Variants in SLC13A4 observed in about 807,000 individuals in gnomAD.
SLC13A4 encodes solute carrier family 13 member 4, also known as Na(+)/sulfate cotransporter SUT-1.
In SLC13A4, 28 loss-of-function variants were observed where a neutral mutation model predicts 72.7. The ratio of observed to expected loss-of-function variants is 0.39; its 90% CI spans 0.29 to 0.53. The LOEUF (loss-of-function observed/expected upper bound fraction) is 0.53, where lower values mean the gene tolerates loss of function less well. Among genes scored for constraint, SLC13A4 ranks in the 20% least tolerant of loss-of-function variants. The probability of loss-of-function intolerance (pLI) is 0.78; values close to 1 mark genes in which losing one functional copy is unlikely to be tolerated. For missense variants in SLC13A4, 653 were observed against 788.0 expected (o/e 0.83, Z 2.05); for synonymous variants, 312 against 325.5 (o/e 0.96, Z 0.45).
intron 8 of SLC13A4, among the ~76,000 whole-genome samples, chr7:135,696,160 G>A (rs148189811): frequency 2.0e-5 from 3 of 152,000 alleles, no homozygotes; most frequent in Admixed American, 2.0e-4. Flanking sequence ...GACCTATGCT[G>A]TGTTTTCCTT....
In SLC13A4 at chr7:135,685,653, G is replaced by C; in HGVS notation, c.1477C>G (p.Gln493Glu). 1.2e-6 allele frequency: 2 copies of C among 1,614,184 alleles called. No individual in the cohort carries two copies. The highest frequency in any genetic ancestry group is 1.7e-6 in the Non-Finnish European group (2 of 1,180,006). The change falls in exon 14 of 16, where the codon CAG (glutamine) becomes GAG (glutamate). Residue 493 changes from glutamine (Q) to glutamate (E), a missense_variant. Transcript: ENST00000682651. The stretch of plus-strand genomic sequence containing the variant: ...GGGAGGCTGCTCAGGGACAACATCT[G>C]GTTCCCAATCCATGTAGAGAGGCCA... ...SSGLSTWIGNQMLSLSSLPPW... is the reference protein window; with the variant it reads ...SSGLSTWIGNEMLSLSSLPPW...
At position 135,681,358 on chromosome 7, in the gene SLC13A4, C is replaced by G; in HGVS notation, c.*205G>C. On this transcript the variant is annotated 3_prime_UTR_variant, in exon 16 of 16. Transcript: ENST00000682651. Reference sequence around the variant, plus strand: ...TGTGGTGCTGAGGGCAGGAAGAAGACACTAACAGCGAAGCATGTGTTTGTG... The same window carrying G: ...TGTGGTGCTGAGGGCAGGAAGAAGAGACTAACAGCGAAGCATGTGTTTGTG... The G allele has an allele frequency of 6.0e-6, 3 of 497,726 alleles. No individual in the cohort carries two copies. Among genetic ancestry groups the G allele is most frequent in the Non-Finnish European group, 1.0e-5 (3 of 289,526 alleles). 30.8% of individuals were successfully genotyped at this position (497,726 alleles called of 1,614,324 possible).
intron 13 of SLC13A4, among the ~76,000 whole-genome samples, chr7:135,686,414 G>T (rs965373285): frequency 4.6e-5 from 7 of 152,104 alleles, no homozygotes; most frequent in South Asian, 2.1e-4. Flanking sequence ...CTATTGCCCA[G>T]GGTCCAGGAT....
chr7:135,692,245 C>T, intron 11 of SLC13A4, 78 bp downstream of exon 11: 1 of 980,616 alleles, frequency 1.0e-6, no homozygotes, highest in Non-Finnish European at 1.6e-6. Flanking sequence ...TTCATATCTG[C>T]CCCTGAGAGT....
At chr7:135,709,351 A>C (rs1478241957) in intron 2 of SLC13A4, among the ~76,000 whole-genome samples, 1 of 151,804 alleles carries the variant, frequency 6.6e-6, no homozygotes, top group Non-Finnish European at 1.5e-5. Context: ...ATTTGAGGGT[A>C]AGTTACACAC....
chr7:135,694,869 T>C (rs955187062), intron 9 of SLC13A4, among the ~76,000 whole-genome samples: 1 of 152,202 alleles, frequency 6.6e-6, no homozygotes, highest in African/African-American at 2.4e-5. Flanking sequence ...TATCTTCCCT[T>C]ATGTGTTTGA....
chr7:135,726,485 G>A (rs1796661644), intron 1 of SLC13A4, among the ~76,000 whole-genome samples: 2 of 152,296 alleles, frequency 1.3e-5, no homozygotes, highest in African/African-American at 4.8e-5. Context: ...TGATTAACCT[G>A]TTTTAGCTTA....
intron 2 of SLC13A4, among the ~76,000 whole-genome samples, chr7:135,717,200 C>G (rs1253276588): frequency 6.6e-6 from 1 of 152,208 alleles, no homozygotes; most frequent in Non-Finnish European, 1.5e-5. Context: ...TTCACCCAGC[C>G]CTCAAGTTAC....
At chr7:135,708,392 AT>A in intron 2 of SLC13A4, 142 bp from the exon 3 acceptor site, 1 of 1,144,276 alleles carries the variant, frequency 8.7e-7, no homozygotes, top group Non-Finnish European at 1.2e-6. Context: ...GGTGAGGATT[AT>A]TGAAATAGCC....
At chr7:135,721,350 C>T (rs766079833) in intron 2 of SLC13A4, 45 bp downstream of exon 2, 3 of 1,609,348 alleles carry the variant, frequency 1.9e-6, no homozygotes, top group East Asian at 4.5e-5. Flanking sequence ...CTTTCAGGGG[C>T]CCTGCAGGGA....
intron 1 of SLC13A4, among the ~76,000 whole-genome samples, chr7:135,721,739 A>C (rs1236057433): frequency 1.3e-5 from 2 of 152,176 alleles, no homozygotes; most frequent in Non-Finnish European, 2.9e-5. Context: ...TCGGGGACCG[A>C]TGCCTGGCGT....
intron 1 of SLC13A4, among the ~76,000 whole-genome samples, chr7:135,726,913 A>G (rs1796670276): frequency 6.6e-6 from 1 of 152,212 alleles, no homozygotes; most frequent in African/African-American, 2.4e-5. Context: ...GCCCACCAGG[A>G]CACGACCACA....
Position 135,708,164 on chromosome 7 carries a change from A to C in SLC13A4, c.315T>G (p.His105Gln). The change falls in exon 3 of 16, where the codon CAT becomes CAG. Residue 105 changes from histidine to glutamine, a missense_variant. Coordinates refer to ENST00000682651, the MANE Select transcript of SLC13A4 (RefSeq NM_001318192.2). ...VAAAVEKWNL[H>Q]KRIALRMVLM... is the part of the protein sequence containing the mutation. ...AGACCATGCGCAGAGCAATGCGCTT[A>C]TGCAGGTTCCACTTCTCCACGGCAG... 1 of 1,614,230 alleles carries C rather than the reference A, an allele frequency of 6.2e-7. No individual in the cohort carries two copies. The highest frequency in any genetic ancestry group is 8.5e-7 in the Non-Finnish European group (1 of 1,180,034).
At chr7:135,703,029 C>T (rs1796076951) in intron 5 of SLC13A4, 145 bp from the exon 6 acceptor site, 1 of 623,252 alleles carries the variant, frequency 1.6e-6, no homozygotes, top group Non-Finnish European at 2.8e-6. Context: ...TAATCTCTCC[C>T]TTGTCTTCCT....
chr7:135,703,667 T>C (rs1796092204), intron 5 of SLC13A4: 1 of 152,242 alleles, frequency 6.6e-6, no homozygotes, highest in South Asian at 2.1e-4. Flanking sequence ...ATGTTTCCAG[T>C]TTGTCTTAGT....
At chr7:135,698,398 G>A (rs548044854) in intron 8 of SLC13A4, among the ~76,000 whole-genome samples, 56 of 134,992 alleles carry the variant, frequency 4.1e-4, no homozygotes, top group Admixed American at 1.6e-3. Context: ...GCAGTGTCAC[G>A]ATCTTGGCTC....
chr7:135,686,927 C>T (rs559945337), intron 13 of SLC13A4, among the ~76,000 whole-genome samples: 167 of 152,114 alleles, frequency 1.1e-3, no homozygotes, highest in Admixed American at 2.6e-3. Flanking sequence ...TGTGGTGGCA[C>T]GCGCCTGTAA....
In SLC13A4 at chr7:135,727,618, C is replaced by T; in HGVS notation, c.-122G>A. On this transcript the variant is annotated 5_prime_UTR_variant, in exon 1 of 16. Coordinates refer to ENST00000682651, the MANE Select transcript of SLC13A4 (RefSeq NM_001318192.2). ...ACCTTTCTTGGCTTCCGAGAGTCCT[C>T]CTTCGTCTTGGGGGCAGAACGGGAG... 1 of 1,289,206 alleles carries T rather than the reference C, an allele frequency of 7.8e-7. No homozygotes were observed. The highest frequency in any genetic ancestry group is 1.6e-5 in the South Asian group (1 of 62,074). 79.9% of individuals were successfully genotyped at this position (1,289,206 alleles called of 1,614,324 possible). A position where few individuals can be genotyped will look rare whatever the true frequency, so the allele number is the denominator to read the frequency against.
intron 2 of SLC13A4, 54 bp from the exon 3 acceptor site, chr7:135,708,304 C>T (rs1796215946): frequency 1.2e-6 from 2 of 1,607,712 alleles, no homozygotes; most frequent in South Asian, 2.2e-5. Flanking sequence ...ACCCAGGGCC[C>T]AGCACCAGCT....
Sources: gnomAD v4.1 joint callset for allele counts (sites outside exome capture counted in the v4.1 genomes callset) on GRCh38, gnomAD v4.1.1 for gene constraint, MANE v1.5 for transcripts, NCBI Gene and HGNC (gene_info 2026-07-23, HGNC 2026-07-21) for gene names.